CACNA1B: variants seen among roughly 807,000 people sequenced by gnomAD.
The protein encoded by CACNA1B is calcium voltage-gated channel subunit alpha1 B, also known as voltage-dependent N-type calcium channel subunit alpha-1B.
Under a neutral mutation model 247.2 loss-of-function variants are expected in CACNA1B, and 70 were observed. The observed-to-expected ratio is 0.28, with a 90% CI of 0.23 to 0.35. CACNA1B has a LOEUF of 0.35. CACNA1B is among the 10% of genes least tolerant of loss of function. The probability of loss-of-function intolerance (pLI) is 1.00; values close to 1 mark genes in which losing one functional copy is unlikely to be tolerated. For synonymous variants in CACNA1B, 1,231 were observed against 1,294.4 expected (o/e 0.95, Z 1.05); for missense variants, 2,367 against 3,197.4 (o/e 0.74, Z 6.26).
At chr9:137,907,371 T>C (rs1957310723) in intron 3 of CACNA1B, among the ~76,000 whole-genome samples, 1 of 152,204 alleles carries the variant, frequency 6.6e-6, no homozygotes, top group African/African-American at 2.4e-5. Flanking sequence ...AGAATGTGCC[T>C]GGGGTGTGGT....
chr9:137,962,634 C>A (rs1389328224), intron 10 of CACNA1B, among the ~76,000 whole-genome samples: 2 of 152,100 alleles, frequency 1.3e-5, no homozygotes, highest in Non-Finnish European at 2.9e-5. Flanking sequence ...GCATTAATTT[C>A]ATTATTTACC....
At position 138,105,790 on chromosome 9, in the gene CACNA1B, A is replaced by C; in HGVS notation, c.5411A>C (p.Glu1804Ala). The change falls in exon 39 of 47, where the codon GAG becomes GCG. Residue 1804 changes from glutamate (E) to alanine (A), a missense_variant. Physicochemically the swap from Glu to Ala is moderately radical, Grantham distance 107 (BLOSUM62 -1). Coordinates refer to ENST00000371372, the MANE Select transcript of CACNA1B (RefSeq NM_000718.4). ...ATGGCCCTCATCCGGACGGCACTGG[A>C]GATCAAGCTGGCCCCAGGTGAGCAA... ...TLMALIRTAL[E>A]IKLAPAGTKQ... The C allele has an allele frequency of 6.4e-7, 1 of 1,554,840 alleles. No individual in the cohort carries two copies. The highest frequency in any genetic ancestry group is 1.7e-4 in the Middle Eastern group (1 of 6,012).
At position 138,025,098 on chromosome 9, in the gene CACNA1B, C is replaced by A; in HGVS notation, c.3212C>A (p.Pro1071His). The change falls in exon 20 of 47, where the codon CCC becomes CAC. Residue 1071 changes from proline to histidine, a missense_variant. Physicochemically the swap from Pro to His is moderately conservative, Grantham distance 77. Coordinates refer to ENST00000371372, the MANE Select transcript of CACNA1B (RefSeq NM_000718.4). ...QRNVTRMGSQ[P>H]PDPNTIVHIP... The stretch of plus-strand genomic sequence containing the variant: ...AACGTCACTCGCATGGGCAGTCAGC[C>A]CCCAGACCCGAACACTATTGTACAT... 3 of 1,613,548 alleles carry A rather than the reference C, an allele frequency of 1.9e-6. No individual in the cohort carries two copies. The highest frequency in any genetic ancestry group is 2.5e-6 in the Non-Finnish European group (3 of 1,179,724).
At position 137,986,075 on chromosome 9, in the gene CACNA1B, G is replaced by A. The variant is rs1448198432; in HGVS notation, c.1770-338G>A. On this transcript the variant is annotated intron_variant, in intron 13 of 46. Transcript: ENST00000371372. The surrounding 1 kb of genome is among the most constrained non-coding windows in gnomAD (Gnocchi z 6.0). ...CACTTGGTGGCTGACTGGGTGTTGA[G>A]GAGTGAGGGGCAGGGAGGGGCCGAG... Among the ~76,000 whole-genome samples, 2 of 152,244 alleles carry A rather than the reference G, an allele frequency of 1.3e-5. No homozygotes were observed. The highest frequency in any genetic ancestry group is 2.9e-5 in the Non-Finnish European group (2 of 68,044).
intron 18 of CACNA1B, among the ~76,000 whole-genome samples, chr9:138,022,688 C>G (rs1958860113): frequency 6.6e-6 from 1 of 152,076 alleles, no homozygotes; most frequent in African/African-American, 2.4e-5. Context: ...GCCGCCCACC[C>G]ACCTGCTTGG....
chr9:138,106,946 A>C (rs1961448748), intron 39 of CACNA1B, among the ~76,000 whole-genome samples: 1 of 152,154 alleles, frequency 6.6e-6, no homozygotes, highest in South Asian at 2.1e-4. Context: ...AGGCTGAGGC[A>C]CATCCCCAGC....
rs1346862251 is a variant in CACNA1B at position 138,020,565 on chromosome 9, C to T, written c.2268-2446C>T. ...ACCTCCAGAGAGGAACTTGGTGGTG[C>T]TGGCCGAGTGAGGGCAGATGCAGAC... On this transcript the variant is annotated intron_variant, in intron 18 of 46. Coordinates refer to ENST00000371372, the MANE Select transcript of CACNA1B (RefSeq NM_000718.4). This position sits in a 1 kb window ranked among gnomAD's most constrained non-coding sequence, Gnocchi z 4.1. 1.3e-5 allele frequency among the ~76,000 whole-genome samples: 2 copies of T among 152,292 alleles called. No individual in the cohort carries two copies. Among genetic ancestry groups the T allele is most frequent in the East Asian group, 3.9e-4 (2 of 5,178 alleles).
chr9:138,035,600 C>T (rs1293898596), intron 20 of CACNA1B, among the ~76,000 whole-genome samples: 1 of 152,146 alleles, frequency 6.6e-6, no homozygotes, highest in African/African-American at 2.4e-5. Context: ...CCCTCCTTCC[C>T]TCCTTCCCTT....
At chr9:137,915,100 A>G (rs1001356728) in intron 5 of CACNA1B, among the ~76,000 whole-genome samples, 32 of 152,392 alleles carry the variant, frequency 2.1e-4, no homozygotes, top group African/African-American at 7.2e-4. Context: ...TGCCAAGGTG[A>G]CCGTCGAGCA....
At chr9:138,081,367 C>A (rs1263218861) in intron 36 of CACNA1B, among the ~76,000 whole-genome samples, 1 of 152,240 alleles carries the variant, frequency 6.6e-6, no homozygotes, top group African/African-American at 2.4e-5. Context: ...ACCCTGGTGT[C>A]TCCTTACTGA....
In CACNA1B at chr9:138,014,016, C is replaced by T. The variant is rs577455855; in HGVS notation, c.2267+781C>T. 3.9e-5 allele frequency among the ~76,000 whole-genome samples: 6 copies of T among 152,404 alleles called. No individual in the cohort carries two copies. Among genetic ancestry groups the T allele is most frequent in the East Asian group, 1.9e-4 (1 of 5,190 alleles). On this transcript the variant is annotated intron_variant, in intron 18 of 46. Transcript: ENST00000371372. The surrounding 1 kb of genome is among the most constrained non-coding windows in gnomAD (Gnocchi z 6.2). The stretch of plus-strand genomic sequence containing the variant: ...ACCTCCCATTCCCCATGCTGATGGG[C>T]GGGCCCCAGCTCTTCAGCCGGCCAC...
chr9:137,960,996 C>T (rs573492196), intron 10 of CACNA1B, among the ~76,000 whole-genome samples: 2 of 151,996 alleles, frequency 1.3e-5, no homozygotes, highest in Admixed American at 6.5e-5. Context: ...GTTGGCCACA[C>T]GTATGTCTTC....
chr9:138,011,501 C>A lies in CACNA1B; in HGVS notation c.2160+1424C>A. 6.6e-6 allele frequency among the ~76,000 whole-genome samples: 1 copy of A among 152,176 alleles called. No homozygotes were observed. The highest frequency in any genetic ancestry group is 2.1e-4 in the South Asian group (1 of 4,824). On this transcript the variant is annotated intron_variant, in intron 17 of 46. Coordinates refer to ENST00000371372, the MANE Select transcript of CACNA1B (RefSeq NM_000718.4). The surrounding 1 kb of genome is among the most constrained non-coding windows in gnomAD (Gnocchi z 4.2). Reference sequence around the variant, plus strand: ...CCGCAAAGTTTATGACTCGACCATCCCCTTCCCTTATATTCCCATAATATT... The same window carrying A: ...CCGCAAAGTTTATGACTCGACCATCACCTTCCCTTATATTCCCATAATATT...
intron 35 of CACNA1B, 69 bp from the exon 36 acceptor site, chr9:138,078,045 G>T: frequency 6.8e-7 from 1 of 1,463,042 alleles, no homozygotes; most frequent in Non-Finnish European, 9.4e-7. Context: ...GGGCACGCTT[G>T]GTAGCCCCAC....
At chr9:138,090,225 G>C (rs976812992) in intron 36 of CACNA1B, among the ~76,000 whole-genome samples, 1 of 152,106 alleles carries the variant, frequency 6.6e-6, no homozygotes, top group African/African-American at 2.4e-5. Flanking sequence ...CAATGGAATA[G>C]AATAGAGAAC....
chr9:138,057,826 C>G lies in CACNA1B; in HGVS notation c.4063C>G (p.Leu1355Val). 3 of 1,611,516 alleles carry G rather than the reference C, an allele frequency of 1.9e-6. No individual in the cohort carries two copies. Among genetic ancestry groups the G allele is most frequent in the Non-Finnish European group, 1.7e-6 (2 of 1,178,070 alleles). ...TCACTACGACAATGTGCTCTGGGCT[C>G]TGCTGACGCTGTTCACAGTGTCCAC... ...DFHYDNVLWA[L>V]LTLFTVSTGE... is the part of the protein sequence containing the mutation. Residue 1355 changes from leucine (L) to valine (V), a missense_variant, in exon 27 of 47, where the codon CTG (leucine) becomes GTG (valine). Coordinates refer to ENST00000371372, the MANE Select transcript of CACNA1B (RefSeq NM_000718.4). The surrounding 1 kb of genome is among the most constrained non-coding windows in gnomAD (Gnocchi z 4.0).
intron 15 of CACNA1B, 23 bp from the exon 16 acceptor site, chr9:138,006,744 C>G (rs750120590): frequency 1.5e-5 from 21 of 1,409,086 alleles, no homozygotes; most frequent in Non-Finnish European, 2.0e-5. Context: ...GGGGCTTGCC[C>G]TGTGTTCTCT....
intron 6 of CACNA1B, among the ~76,000 whole-genome samples, chr9:137,921,983 G>A (rs1418256566): frequency 2.0e-5 from 3 of 146,504 alleles, no homozygotes; most frequent in African/African-American, 2.5e-5. Context: ...CGGAGAACAC[G>A]ATCAGCACCG....
chr9:138,119,210 G>A (rs1030470553), intron 44 of CACNA1B, among the ~76,000 whole-genome samples: 23 of 152,084 alleles, frequency 1.5e-4, no homozygotes, highest in Admixed American at 1.5e-3. Context: ...CCTGCTCATG[G>A]GCAGTCCCTG....
Sources: gnomAD v4.1 joint callset for allele counts (sites outside exome capture counted in the v4.1 genomes callset) on GRCh38, gnomAD v4.1.1 for gene constraint, Gnocchi (gnomAD v3.1) non-coding constraint, MANE v1.5 for transcripts, NCBI Gene and HGNC (gene_info 2026-07-23, HGNC 2026-07-21) for gene names.